Variants in STK33 observed in about 807,000 individuals in gnomAD.
The protein encoded by STK33 is serine/threonine-protein kinase 33.
STK33 carries 52 observed loss-of-function variants against 58.0 expected under a neutral mutation model. That is an observed-to-expected ratio of 0.90 (90% CI 0.72 to 1.13). STK33 has a LOEUF of 1.13. Ranked by LOEUF, STK33 falls within the 50% of genes most tolerant of loss-of-function variation. STK33 has a pLI of 0.00. For missense variants in STK33, 630 were observed against 604.2 expected, an observed-to-expected ratio of 1.04 and a Z score of -0.45; for synonymous variants, 215 against 200.1, an observed-to-expected ratio of 1.07 and a Z score of -0.63.
At chr11:8,526,518 A>G (rs541325487) in intron 1 of STK33, among the ~76,000 whole-genome samples, 2 of 152,292 alleles carry the variant, frequency 1.3e-5, no homozygotes, top group African/African-American at 4.8e-5. Context: ...GTATGTTCCC[A>G]ACTTAAAAGT....
At chr11:8,436,166 A>G in intron 12 of STK33, 27 bp from the exon 13 acceptor site, 1 of 1,307,756 alleles carries the variant, frequency 7.6e-7, no homozygotes, top group Non-Finnish European at 1.0e-6. Context: ...CACTTTGTTT[A>G]AATTTTTTAA....
At chr11:8,460,848 C>A (rs1355519709) in intron 8 of STK33, among the ~76,000 whole-genome samples, 1 of 152,304 alleles carries the variant, frequency 6.6e-6, no homozygotes, top group South Asian at 2.1e-4. Flanking sequence ...TTGCCATATA[C>A]TGCTCTTATA....
chr11:8,504,400 A>C (rs1210917501), intron 1 of STK33, among the ~76,000 whole-genome samples: 1 of 152,228 alleles, frequency 6.6e-6, no homozygotes, highest in Non-Finnish European at 1.5e-5. Flanking sequence ...TAGCGGTTGT[A>C]ATGTGCTAAA....
At position 8,475,060 on chromosome 11, in the gene STK33, G is replaced by C. The variant is rs1949139842; in HGVS notation, c.-155C>G. ...GGATGCACTAGACACATATTCACAC[G>C]TGAGAGCTGCAGAAAGAAAAGAAAT... On this transcript the variant is annotated 5_prime_UTR_variant, in exon 5 of 16. Coordinates refer to ENST00000687296, the MANE Select transcript of STK33 (RefSeq NM_001352389.2). 1 of 550,226 alleles carries C rather than the reference G, an allele frequency of 1.8e-6. No homozygotes were observed. Among genetic ancestry groups the C allele is most frequent in the African/African-American group, 2.0e-5 (1 of 50,992 alleles). The allele number at this position is 550,226 out of a possible 1,614,324, so 34.1% of individuals were successfully genotyped here.
At chr11:8,477,139 T>TAC (rs146828395) in intron 3 of STK33, 111 bp downstream of exon 3, 64,183 of 140,962 alleles carry the variant, frequency 0.46, 15,896 homozygotes, top group Middle Eastern at 0.59. Flanking sequence ...CCACTCAAAA[T>TAC]ACACACACAC....
chr11:8,573,261 T>C (rs1957947456), intron 1 of STK33, among the ~76,000 whole-genome samples: 2 of 152,158 alleles, frequency 1.3e-5, no homozygotes, highest in Non-Finnish European at 2.9e-5. Flanking sequence ...AAAAATTCAT[T>C]TAGAAGATGG....
intron 1 of STK33, among the ~76,000 whole-genome samples, chr11:8,538,753 A>G (rs1955256955): frequency 6.6e-6 from 1 of 152,252 alleles, no homozygotes; most frequent in Non-Finnish European, 1.5e-5. Context: ...GAATGAACAC[A>G]CACACATATG....
intron 14 of STK33, among the ~76,000 whole-genome samples, chr11:8,419,131 G>T (rs1941552839): frequency 6.6e-6 from 1 of 151,996 alleles, no homozygotes. Flanking sequence ...ATTGCTTTTG[G>T]CGTCTTCCTC....
At chr11:8,527,641 T>C (rs1386202529) in intron 1 of STK33, among the ~76,000 whole-genome samples, 1 of 152,130 alleles carries the variant, frequency 6.6e-6, no homozygotes, top group Non-Finnish European at 1.5e-5. Flanking sequence ...TACAAAACAA[T>C]ACATAGTAAA....
rs368101362 is a variant in STK33 at position 8,484,857 on chromosome 11, T to C, written c.-465-4243A>G. On this transcript the variant is annotated intron_variant, in intron 1 of 15. Transcript: ENST00000687296. Reference sequence around the variant, plus strand: ...AGAGCACATCAATTGGTGATTCTGTTGCCCAAGAAAAGGCAATAAGCCTTA... The same window carrying C: ...AGAGCACATCAATTGGTGATTCTGTCGCCCAAGAAAAGGCAATAAGCCTTA... 2.2e-4 allele frequency among the ~76,000 whole-genome samples: 34 copies of C among 152,284 alleles called. No homozygotes were observed. The South Asian group carries it at 7.1e-3, about 32-fold the overall frequency.
Position 8,474,896 on chromosome 11 carries a change from T to C in STK33, c.10A>G (p.Ser4Gly). The change falls in exon 5 of 16, where the codon AGT becomes GGT. Residue 4 changes from serine to glycine, a missense_variant. Transcript: ENST00000687296. MAD[S>G]GLDKKSTKCP... is the part of the protein sequence containing the mutation. ...TTTGTGGATTTTTTATCTAAGCCAC[T>C]ATCAGCCATTTGTTTAACTCTGCAA... 6.3e-7 allele frequency: 1 copy of C among 1,583,510 alleles called. No homozygotes were observed. The highest frequency in any genetic ancestry group is 8.6e-7 in the Non-Finnish European group (1 of 1,166,606).
intron 8 of STK33, among the ~76,000 whole-genome samples, chr11:8,459,489 T>C (rs1947262886): frequency 6.6e-6 from 1 of 152,132 alleles, no homozygotes. Context: ...AAGACCAGAC[T>C]TATCTTCCTA....
intron 15 of STK33, among the ~76,000 whole-genome samples, chr11:8,394,867 TTG>T (rs1849069617): frequency 6.6e-6 from 1 of 152,228 alleles, no homozygotes; most frequent in Admixed American, 6.5e-5. Flanking sequence ...CCAAATTTTT[TTG>T]TAATTTTAGT....
intron 3 of STK33, 97 bp downstream of exon 3, chr11:8,477,153 C>CAA (rs1949354658): frequency 6.6e-6 from 1 of 151,336 alleles, no homozygotes; most frequent in Non-Finnish European, 1.5e-5. Context: ...CACACACACA[C>CAA]ACACACACAC....
chr11:8,581,755 A>G (rs1001870702), intron 1 of STK33, among the ~76,000 whole-genome samples: 7 of 152,264 alleles, frequency 4.6e-5, no homozygotes, highest in African/African-American at 1.2e-4. Context: ...AGCAAAAGCT[A>G]AATGCACTAA....
intron 1 of STK33, among the ~76,000 whole-genome samples, chr11:8,481,807 A>G (rs973447617): frequency 2.0e-5 from 3 of 152,208 alleles, no homozygotes; most frequent in East Asian, 1.9e-4. Flanking sequence ...ATATAAACAC[A>G]TAAGTATTTA....
intron 14 of STK33, among the ~76,000 whole-genome samples, chr11:8,421,806 A>G (rs1300406210): frequency 1.3e-5 from 2 of 152,118 alleles, no homozygotes; most frequent in African/African-American, 4.8e-5. Context: ...GTTTATTACT[A>G]GATGTTTTAT....
chr11:8,349,064 T>A, the STK33 span, among the ~76,000 whole-genome samples: 1 of 152,076 alleles, frequency 6.6e-6, no homozygotes, highest in Admixed American at 6.5e-5. Flanking sequence ...GCAGAGGAGC[T>A]CTCCAGAGCT....
intron 1 of STK33, among the ~76,000 whole-genome samples, chr11:8,508,401 T>C (rs190320293): frequency 7.1e-4 from 108 of 151,134 alleles, no homozygotes; most frequent in African/African-American, 2.5e-3. Context: ...CCCCAGTAGC[T>C]AGAACTACAG....
Sources: gnomAD v4.1 joint callset for allele counts (sites outside exome capture counted in the v4.1 genomes callset) on GRCh38, gnomAD v4.1.1 for gene constraint, MANE v1.5 for transcripts, NCBI Gene and HGNC (gene_info 2026-07-23, HGNC 2026-07-21) for gene names.